NAA10: variants seen among roughly 807,000 people sequenced by gnomAD.
The protein encoded by NAA10 is N-alpha-acetyltransferase 10, NatA catalytic subunit, also known as N-alpha-acetyltransferase 10.
A neutral mutation model predicts 19.2 loss-of-function variants in NAA10; 6 were observed. That is an observed-to-expected ratio of 0.31 (90% CI 0.17 to 0.62). The LOEUF (loss-of-function observed/expected upper bound fraction) is 0.62. Ranked by LOEUF, NAA10 falls within the 20% of genes least tolerant of loss-of-function variation. NAA10 has a pLI of 0.83. For synonymous variants in NAA10, 97 were observed against 79.9 expected, an observed-to-expected ratio of 1.21 and a Z score of -1.14; for missense variants, 101 against 198.4, an observed-to-expected ratio of 0.51 and a Z score of 2.95.
intron 6 of NAA10, chrX:153,931,697 T>G: frequency 1.1e-6 from 1 of 921,619 alleles, no homozygotes; most frequent in Non-Finnish European, 1.4e-6. Flanking sequence ...CTCTCTTGGA[T>G]TCTTCTAGGT....
rs782153446 is a variant in NAA10 at position 153,932,106 on chromosome X, G to A, written c.351C>T (p.Ala117=). ...VSLHVRKSNR[A]ALHLYSNTLN... ...GGGTGTTGGAATAGAGGTGCAGGGC[G>A]GCCCGGTTACTGCAGGGGAACAAGG... Residue 117 remains alanine, a synonymous_variant, in exon 6 of 8, where the codon GCC becomes GCT. Coordinates refer to ENST00000464845, the MANE Select transcript of NAA10 (RefSeq NM_003491.4). 12 of 1,210,387 alleles carry A rather than the reference G, an allele frequency of 9.9e-6. No individual in the cohort carries two copies. Among genetic ancestry groups the A allele is most frequent in the East Asian group, 3.0e-5 (1 of 33,785 alleles).
Position 153,929,559 on chromosome X carries a change from C to T in NAA10, c.*428G>A. The T allele has an allele frequency of 6.1e-6, 1 of 162,880 alleles. No individual in the cohort carries two copies. The highest frequency in any genetic ancestry group is 1.2e-5 in the Non-Finnish European group (1 of 84,686). 13.4% of individuals were successfully genotyped at this position (162,880 alleles called of 1,213,427 possible). ...GGGTATGCTGGGGAGCTGCTGTAGC[C>T]CGAAGCAGGTGTGATTAGGGAGAGA... On this transcript the variant is annotated 3_prime_UTR_variant, in exon 8 of 8. Transcript: ENST00000464845.
Position 153,930,852 on chromosome X carries a change from G to A in NAA10, c.387-5C>T, listed in dbSNP as rs370895198. 9.1e-6 allele frequency: 11 copies of A among 1,210,045 alleles called. No individual in the cohort carries two copies. Among genetic ancestry groups the A allele is most frequent in the Middle Eastern group, 2.3e-4 (1 of 4,377 alleles). On this transcript the variant is annotated splice_polypyrimidine_tract_variant and splice_region_variant and intron_variant, in intron 6 of 7. Transcript: ENST00000464845. Reference sequence around the variant, plus strand: ...TTGGGCTCCACTTCACTGATCCTGGGGGCAGAGGGTTAGAGAGCAAGGAGG... The same window carrying A: ...TTGGGCTCCACTTCACTGATCCTGGAGGCAGAGGGTTAGAGAGCAAGGAGG...
Position 153,929,581 on chromosome X carries a change from G to A in NAA10, c.*406C>T. On this transcript the variant is annotated 3_prime_UTR_variant, in exon 8 of 8. Coordinates refer to ENST00000464845, the MANE Select transcript of NAA10 (RefSeq NM_003491.4). Reference sequence around the variant, plus strand: ...AGCCCGAAGCAGGTGTGATTAGGGAGAGAAAGTCTGAAGGTGAAGGTGGGA... The same window carrying A: ...AGCCCGAAGCAGGTGTGATTAGGGAAAGAAAGTCTGAAGGTGAAGGTGGGA... 1 of 191,086 alleles carries A rather than the reference G, an allele frequency of 5.2e-6. No homozygotes were observed. Among genetic ancestry groups the A allele is most frequent in the Non-Finnish European group, 9.7e-6 (1 of 102,611 alleles). The allele number at this position is 191,086 out of a possible 1,213,427, so 15.7% of individuals were successfully genotyped here.
intron 6 of NAA10, 64 bp downstream of exon 6, chrX:153,932,007 G>A: frequency 1.7e-6 from 2 of 1,211,929 alleles, no homozygotes; most frequent in Non-Finnish European, 2.2e-6. Flanking sequence ...GCCGGTCTCA[G>A]GTGCCCTGAT....
In NAA10 at chrX:153,930,962, C is replaced by G; in HGVS notation, c.387-115G>C. The G allele has an allele frequency of 5.0e-6, 6 of 1,202,942 alleles. No homozygotes were observed. The South Asian group carries it at 1.1e-4, about 21-fold the overall frequency. ...GTGCCATGTTTTCTCCCTGAAGGCT[C>G]CATCCTGAGACAACAAGTCCAGTGT... On this transcript the variant is annotated intron_variant, in intron 6 of 7. Coordinates refer to ENST00000464845, the MANE Select transcript of NAA10 (RefSeq NM_003491.4).
intron 3 of NAA10, 88 bp from the exon 4 acceptor site, chrX:153,932,672 C>A (rs782215026): frequency 1.1e-6 from 1 of 876,021 alleles, no homozygotes; most frequent in South Asian, 2.1e-5. Flanking sequence ...AGTGGACATG[C>A]ACTACAGCCC....
chrX:153,933,890 C>T (rs1185604070), intron 3 of NAA10, 53 bp downstream of exon 3: 1 of 1,058,980 alleles, frequency 9.4e-7, no homozygotes, highest in Non-Finnish European at 1.3e-6. Context: ...TTAAAGCCCA[C>T]AGAGGCATCC....
chrX:153,934,495 T>G lies in NAA10; in HGVS notation c.22-20A>C. 1 of 1,143,860 alleles carries G rather than the reference T, an allele frequency of 8.7e-7. No homozygotes were observed. Among genetic ancestry groups the G allele is most frequent in the Non-Finnish European group, 1.2e-6 (1 of 842,223 alleles). 94.3% of individuals were successfully genotyped at this position (1,143,860 alleles called of 1,213,427 possible). On this transcript the variant is annotated intron_variant, in intron 1 of 7. Transcript: ENST00000464845. ...CTCTGGCTGCAGGGAAGGAGGGCAG[T>G]GGAACGCGCTCAGTCTAAGGCGGCG... is the stretch of plus-strand genomic sequence containing the variant.
At position 153,935,002 on chromosome X, in the gene NAA10, G is replaced by A; in HGVS notation, c.-98C>T. 1 of 816,850 alleles carries A rather than the reference G, an allele frequency of 1.2e-6. No individual in the cohort carries two copies. The highest frequency in any genetic ancestry group is 1.5e-6 in the Non-Finnish European group (1 of 658,781). The allele number at this position is 816,850 out of a possible 1,213,427, so 67.3% of individuals were successfully genotyped here. On this transcript the variant is annotated 5_prime_UTR_variant, in exon 1 of 8. Coordinates refer to ENST00000464845, the MANE Select transcript of NAA10 (RefSeq NM_003491.4). ...GCCGGGACGGCCGGGGCTGGGACCG[G>A]AGCTGGGCTCGCTGGGCGACGGCGG...
intron 7 of NAA10, 62 bp from the exon 8 acceptor site, chrX:153,930,285 A>AG: frequency 9.5e-7 from 1 of 1,054,660 alleles, no homozygotes; most frequent in Middle Eastern, 2.5e-4. Flanking sequence ...TTCCAGACAA[A>AG]GGGAGCCTGG....
At chrX:153,934,522 T>C in intron 1 of NAA10, 47 bp from the exon 2 acceptor site, 2 of 996,273 alleles carry the variant, frequency 2.0e-6, no homozygotes, top group Non-Finnish European at 2.8e-6. Flanking sequence ...AAGGCGGCGG[T>C]GACCACGGGT....
In NAA10 at chrX:153,931,749, G is replaced by A. The variant is rs4646262; in HGVS notation, c.386+322C>T. ...GTCCTGCTCCTCAGCATCTGCTCACGCCAGGGACCCACACCTCTCTATTCC... is the reference window on the plus strand; with the variant it reads ...GTCCTGCTCCTCAGCATCTGCTCACACCAGGGACCCACACCTCTCTATTCC... On this transcript the variant is annotated intron_variant, in intron 6 of 7. Coordinates refer to ENST00000464845, the MANE Select transcript of NAA10 (RefSeq NM_003491.4). 1.5e-3 allele frequency: 1,538 copies of A among 1,004,081 alleles called. 43 individuals carry two copies. In the East Asian group the frequency reaches 0.059, roughly 38 times the overall value. 82.7% of individuals were successfully genotyped at this position (1,004,081 alleles called of 1,213,427 possible).
intron 7 of NAA10, 26 bp from the exon 8 acceptor site, chrX:153,930,249 C>T (rs1256016954): frequency 1.8e-5 from 21 of 1,173,473 alleles, no homozygotes; most frequent in Non-Finnish European, 2.4e-5. Context: ...CAGGGAGAAG[C>T]GGGGGCAAAG....
intron 2 of NAA10, 176 bp from the exon 3 acceptor site, chrX:153,934,177 G>A (rs2065183080): frequency 1.8e-6 from 1 of 554,070 alleles, no homozygotes; most frequent in African/African-American, 2.3e-5. Flanking sequence ...AAGACGCAAA[G>A]TGGGGATCCT....
intron 6 of NAA10, chrX:153,931,582 C>T (rs2065166697): frequency 2.4e-6 from 2 of 836,842 alleles, no homozygotes; most frequent in Non-Finnish European, 2.9e-6. Context: ...CTCTAGTGTG[C>T]TAGGCACACG....
chrX:153,931,175 C>T, intron 6 of NAA10: 1 of 961,797 alleles, frequency 1.0e-6, no homozygotes. Context: ...ACTGAGCTGC[C>T]TCACAACAGC....
chrX:153,932,077 T>C lies in NAA10; in HGVS notation c.380A>G (p.Asn127Ser). Residue 127 changes from asparagine (N) to serine (S), a missense_variant, in exon 6 of 8, where the codon AAC becomes AGC. Transcript: ENST00000464845. ...AALHLYSNTLNFQISEVEPKY... is the reference protein window; with the variant it reads ...AALHLYSNTLSFQISEVEPKY... The stretch of plus-strand genomic sequence containing the variant: ...AAAATCGAGATCTACTTACTGAAAG[T>C]TGAGGGTGTTGGAATAGAGGTGCAG... 8.3e-7 allele frequency: 1 copy of C among 1,211,648 alleles called. No individual in the cohort carries two copies.
chrX:153,932,860 TG>T, intron 3 of NAA10: 2 of 377,198 alleles, frequency 5.3e-6, no homozygotes, highest in Non-Finnish European at 9.2e-6. Flanking sequence ...GAGACCAGCC[TG>T]GACAACACTT....
Sources: allele counts gnomAD v4.1 joint callset, GRCh38; gene constraint gnomAD v4.1.1; transcripts MANE v1.5; gene names NCBI Gene and HGNC (gene_info 2026-07-23, HGNC 2026-07-21).